The following ZNF407 variants were observed in gnomAD, a reference collection of about 807,000 sequenced individuals.
ZNF407 encodes the protein zinc finger protein 407.
A neutral mutation model predicts 131.2 loss-of-function variants in ZNF407; 17 were observed. The ratio of observed to expected loss-of-function variants is 0.13; its 90% CI spans 0.09 to 0.19. The LOEUF (loss-of-function observed/expected upper bound fraction) is 0.19, where lower values mean the gene tolerates loss of function less well. Ranked by LOEUF, ZNF407 falls within the 10% of genes least tolerant of loss-of-function variation. The pLI is 1.00. For synonymous variants in ZNF407, 1,156 were observed against 1,062.0 expected (o/e 1.09, Z -1.72); for missense variants, 2,681 against 2,830.6 (o/e 0.95, Z 1.20).
At chr18:74,937,737 A>T (rs1352412773) in intron 8 of ZNF407, among the ~76,000 whole-genome samples, 1 of 152,226 alleles carries the variant, frequency 6.6e-6, no homozygotes, top group Admixed American at 6.5e-5. Context: ...TACATATCAC[A>T]TGTTGGATTT....
intron 8 of ZNF407, among the ~76,000 whole-genome samples, chr18:74,937,383 T>G (rs1440988745): frequency 6.6e-6 from 1 of 152,186 alleles, no homozygotes; most frequent in Non-Finnish European, 1.5e-5. Context: ...AAAAATGAGG[T>G]AAAATAACTG....
At chr18:74,659,204 T>C (rs1985609016) in intron 3 of ZNF407, among the ~76,000 whole-genome samples, 1 of 152,220 alleles carries the variant, frequency 6.6e-6, no homozygotes, top group African/African-American at 2.4e-5. Flanking sequence ...GATTGGATTT[T>C]GATGATTTCA....
chr18:74,832,039 C>T (rs1240596358), intron 4 of ZNF407, among the ~76,000 whole-genome samples: 1 of 152,240 alleles, frequency 6.6e-6, no homozygotes, highest in Non-Finnish European at 1.5e-5. Flanking sequence ...AAATACTTCA[C>T]TTCTCTTGGC....
intron 4 of ZNF407, among the ~76,000 whole-genome samples, chr18:74,786,536 C>T (rs1403566617): frequency 2.0e-5 from 3 of 151,774 alleles, no homozygotes; most frequent in Non-Finnish European, 4.4e-5. Context: ...CTTCTCTCCA[C>T]CTTAGAACAT....
rs1325541774 is a variant in ZNF407, at chr18:75,063,932, C to A, written c.6211C>A (p.Arg2071=). The A allele has an allele frequency of 6.2e-7, 1 of 1,613,668 alleles. No individual in the cohort carries two copies. The part of the protein sequence containing the change: ...HPSAAMASQE[R]AQVAFKKMVQ... ...CTCAGCAGCCATGGCCTCTCAGGAG[C>A]GGGCACAGGTGGCCTTCAAGAAGAT... Residue 2071 remains arginine (R), a synonymous_variant, in exon 9 of 9, where the codon CGG becomes AGG. Transcript: ENST00000299687. The surrounding 1 kb of genome is among the most constrained non-coding windows in gnomAD (Gnocchi z 6.6).
chr18:75,034,141 C>T (rs1973277413), intron 8 of ZNF407, among the ~76,000 whole-genome samples: 1 of 152,128 alleles, frequency 6.6e-6, no homozygotes, highest in African/African-American at 2.4e-5. Flanking sequence ...TTCTACTCTA[C>T]ACACTGTGAA....
rs559368296 is a variant in ZNF407, at chr18:74,832,481, G to T, written c.4878-44716G>T. On this transcript the variant is annotated intron_variant, in intron 4 of 8. Coordinates refer to ENST00000299687, the MANE Select transcript of ZNF407 (RefSeq NM_017757.3). ...TTCTTTTTGTTTTTTTTGAGATAGG[G>T]TCTCACTCTGTCACCCAGGCTGGAG... is the stretch of plus-strand genomic sequence containing the variant. Among the ~76,000 whole-genome samples, 196 of 151,456 alleles carry T rather than the reference G, an allele frequency of 1.3e-3. 1 individual carries two copies. Among genetic ancestry groups the T allele is most frequent in the Non-Finnish European group, 1.9e-3 (130 of 67,862 alleles).
chr18:74,916,563 G>GTA (rs1971769213), intron 7 of ZNF407, among the ~76,000 whole-genome samples: 1 of 134,294 alleles, frequency 7.4e-6, no homozygotes, highest in African/African-American at 3.0e-5. Context: ...GTGTGTGTGT[G>GTA]TGTGTGTGTG....
At chr18:74,961,588 C>T (rs372102873) in intron 8 of ZNF407, among the ~76,000 whole-genome samples, 4 of 151,876 alleles carry the variant, frequency 2.6e-5, no homozygotes, top group Admixed American at 6.6e-5. Flanking sequence ...GGTGTGGTGA[C>T]GCGTGCCAAT....
chr18:75,016,454 G>A (rs1973045257), intron 8 of ZNF407, among the ~76,000 whole-genome samples: 1 of 152,010 alleles, frequency 6.6e-6, no homozygotes, highest in South Asian at 2.1e-4. Context: ...TATATAATGA[G>A]CGTATTATAA....
chr18:74,858,192 TCCTGCCTTCCTG>T (rs1224057135), intron 4 of ZNF407, among the ~76,000 whole-genome samples: 2 of 150,588 alleles, frequency 1.3e-5, no homozygotes, highest in Admixed American at 6.6e-5. Flanking sequence ...TTTCCTTTTT[TCCTGCCTTCCTG>T]CCTGCCTTCC....
intron 3 of ZNF407, among the ~76,000 whole-genome samples, chr18:74,758,822 C>T (rs1351098281): frequency 1.3e-5 from 2 of 152,170 alleles, no homozygotes; most frequent in South Asian, 2.1e-4. Context: ...TCAAATGATC[C>T]GCCCACCTTG....
intron 8 of ZNF407, among the ~76,000 whole-genome samples, chr18:74,966,191 G>A (rs1217005211): frequency 6.6e-6 from 1 of 152,084 alleles, no homozygotes; most frequent in Non-Finnish European, 1.5e-5. Flanking sequence ...GTCCATTTTT[G>A]CTTTGGCAGG....
At chr18:74,994,817 G>T (rs1277136590) in intron 8 of ZNF407, among the ~76,000 whole-genome samples, 1 of 152,234 alleles carries the variant, frequency 6.6e-6, no homozygotes, top group Non-Finnish European at 1.5e-5. Context: ...CCACAGCACA[G>T]TGTGGACAGA....
At chr18:74,810,744 A>G (rs1970181950) in intron 4 of ZNF407, among the ~76,000 whole-genome samples, 7 of 152,172 alleles carry the variant, frequency 4.6e-5, no homozygotes, top group Admixed American at 4.6e-4. Flanking sequence ...AAAATAAGCA[A>G]TGGGGAAAGG....
intron 3 of ZNF407, among the ~76,000 whole-genome samples, chr18:74,667,087 G>C (rs118039548): frequency 6.6e-6 from 1 of 152,098 alleles, no homozygotes; most frequent in Non-Finnish European, 1.5e-5. Flanking sequence ...TTGATGATCT[G>C]TTGGTGCCTC....
chr18:74,599,474 AT>A (rs1463778481), intron 1 of ZNF407, among the ~76,000 whole-genome samples: 2 of 152,220 alleles, frequency 1.3e-5, no homozygotes, highest in African/African-American at 4.8e-5. Flanking sequence ...AAATAGTAAT[AT>A]ACTTCCCTAG....
intron 4 of ZNF407, among the ~76,000 whole-genome samples, chr18:74,858,474 G>T (rs1970891339): frequency 6.6e-6 from 1 of 152,132 alleles, no homozygotes; most frequent in African/African-American, 2.4e-5. Context: ...TGGCTTTTTA[G>T]TATAGCTTGA....
intron 7 of ZNF407, chr18:74,897,881 G>T (rs1971473996): frequency 6.6e-6 from 1 of 152,140 alleles, no homozygotes; most frequent in East Asian, 1.9e-4. Context: ...CCCAATTTTT[G>T]CAAGTACTAT....
Sources: gnomAD v4.1 joint callset for allele counts (sites outside exome capture counted in the v4.1 genomes callset) on GRCh38, gnomAD v4.1.1 for gene constraint, Gnocchi (gnomAD v3.1) non-coding constraint, MANE v1.5 for transcripts, NCBI Gene and HGNC (gene_info 2026-07-23, HGNC 2026-07-21) for gene names.